The following CDCA2 variants were observed in gnomAD, a reference collection of about 807,000 sequenced individuals.
CDCA2 encodes the protein cell division cycle-associated protein 2.
In CDCA2, 44 loss-of-function variants were observed where a neutral mutation model predicts 67.0. The observed-to-expected ratio is 0.66, with a 90% CI of 0.52 to 0.84. The LOEUF (loss-of-function observed/expected upper bound fraction) is 0.84, where lower values mean the gene tolerates loss of function less well. Ranked by LOEUF, CDCA2 falls within the 40% of genes least tolerant of loss-of-function variation. The probability of loss-of-function intolerance (pLI) is 0.00; values close to 1 mark genes in which losing one functional copy is unlikely to be tolerated. For missense variants in CDCA2, 1,253 were observed against 1,203.2 expected (o/e 1.04, Z -0.61); for synonymous variants, 447 against 418.7 (o/e 1.07, Z -0.82).
chr8:25,461,827 G>C (rs544909454), intron 3 of CDCA2, among the ~76,000 whole-genome samples: 2 of 152,298 alleles, frequency 1.3e-5, no homozygotes, highest in East Asian at 1.9e-4. Flanking sequence ...TTTAATAACT[G>C]TTCTATGTAC....
chr8:25,488,250 G>A (rs74859017), intron 12 of CDCA2, among the ~76,000 whole-genome samples: 127 of 152,208 alleles, frequency 8.3e-4, no homozygotes, highest in African/African-American at 2.8e-3. Context: ...CTAAATTGTA[G>A]GTTCTTAATG....
intron 13 of CDCA2, among the ~76,000 whole-genome samples, chr8:25,492,542 A>G (rs1017114496): frequency 6.6e-6 from 1 of 152,236 alleles, no homozygotes; most frequent in Non-Finnish European, 1.5e-5. Flanking sequence ...ATAAAAGTCT[A>G]TATAAAAGTT....
intron 13 of CDCA2, among the ~76,000 whole-genome samples, chr8:25,501,789 T>C (rs544224822): frequency 6.6e-6 from 1 of 152,320 alleles, no homozygotes; most frequent in African/African-American, 2.4e-5. Flanking sequence ...GAAGAATACA[T>C]CCTCTTTGCT....
chr8:25,505,554 C>G (rs887243445), intron 14 of CDCA2, among the ~76,000 whole-genome samples: 2 of 152,142 alleles, frequency 1.3e-5, no homozygotes, highest in African/African-American at 4.8e-5. Flanking sequence ...TTGGTTGGCA[C>G]TGAGTGGGCA....
At chr8:25,489,641 A>G (rs138263938) in intron 13 of CDCA2, among the ~76,000 whole-genome samples, 134 of 152,286 alleles carry the variant, frequency 8.8e-4, no homozygotes, top group Non-Finnish European at 1.5e-3. Context: ...TTTTAATACT[A>G]AAGCCAGTGC....
intron 7 of CDCA2, among the ~76,000 whole-genome samples, chr8:25,475,962 T>C (rs1021620746): frequency 2.0e-5 from 3 of 152,192 alleles, no homozygotes; most frequent in Admixed American, 2.0e-4. Flanking sequence ...AAACGTCTGC[T>C]TCCCACTCAC....
intron 10 of CDCA2, 43 bp downstream of exon 10, chr8:25,484,253 C>T (rs1234274509): frequency 6.2e-7 from 1 of 1,602,110 alleles, no homozygotes; most frequent in Non-Finnish European, 8.5e-7. Context: ...TATGTATTTT[C>T]ATCAGGCTTC....
At chr8:25,477,469 G>A (rs186622355) in intron 7 of CDCA2, among the ~76,000 whole-genome samples, 1 of 152,250 alleles carries the variant, frequency 6.6e-6, no homozygotes, top group African/African-American at 2.4e-5. Context: ...AACTTTTTGA[G>A]TGCAAACATG....
chr8:25,477,103 C>A (rs921678138), intron 7 of CDCA2, among the ~76,000 whole-genome samples: 14 of 152,174 alleles, frequency 9.2e-5, no homozygotes, highest in African/African-American at 3.4e-4. Flanking sequence ...CCCATTCTTT[C>A]TTGATCCAGC....
At chr8:25,504,375 C>T (rs1804594821) in intron 14 of CDCA2, among the ~76,000 whole-genome samples, 2 of 151,514 alleles carry the variant, frequency 1.3e-5, no homozygotes, top group African/African-American at 4.9e-5. Context: ...AAACAATCTT[C>T]CTGCCTCAGC....
intron 13 of CDCA2, among the ~76,000 whole-genome samples, chr8:25,491,917 C>A (rs1804020292): frequency 6.6e-6 from 1 of 152,188 alleles, no homozygotes; most frequent in Admixed American, 6.5e-5. Context: ...CCTGCCTCAG[C>A]CTCCCAGTTA....
chr8:25,489,224 T>C (rs1803906309), intron 13 of CDCA2, among the ~76,000 whole-genome samples: 1 of 152,124 alleles, frequency 6.6e-6, no homozygotes, highest in Non-Finnish European at 1.5e-5. Context: ...TGATCTGGAC[T>C]CCACACTCCA....
rs774962492 is a variant in CDCA2, at chr8:25,507,739, T to C, written c.*1T>C. The C allele has an allele frequency of 1.2e-6, 2 of 1,608,464 alleles. No homozygotes were observed. Among genetic ancestry groups the C allele is most frequent in the African/African-American group, 1.3e-5 (1 of 74,634 alleles). On this transcript the variant is annotated 3_prime_UTR_variant, in exon 15 of 15. Coordinates refer to ENST00000330560, the MANE Select transcript of CDCA2 (RefSeq NM_152562.4). The stretch of plus-strand genomic sequence containing the variant: ...ACATAATGGAGAAAGAAAGCAGTAA[T>C]TGACATTTCCTGCAGAGTCTGTGGC...
chr8:25,462,867 G>T (rs1374569741), intron 4 of CDCA2, among the ~76,000 whole-genome samples: 2 of 152,012 alleles, frequency 1.3e-5, no homozygotes, highest in Non-Finnish European at 2.9e-5. Flanking sequence ...TTTTTGTAGA[G>T]ATGGGGCCTC....
At chr8:25,459,858 G>A (rs961671715) in intron 1 of CDCA2, among the ~76,000 whole-genome samples, 5 of 152,132 alleles carry the variant, frequency 3.3e-5, no homozygotes, top group African/African-American at 1.2e-4. Context: ...TGGTTAATAG[G>A]TAGAAAAACA....
chr8:25,461,411 G>A (rs988442919), intron 3 of CDCA2, among the ~76,000 whole-genome samples: 1 of 152,166 alleles, frequency 6.6e-6, no homozygotes, highest in East Asian at 1.9e-4. Context: ...TTGGATCAGA[G>A]AATAGCATTT....
chr8:25,505,859 T>C (rs867200577), intron 14 of CDCA2, among the ~76,000 whole-genome samples: 2 of 152,176 alleles, frequency 1.3e-5, no homozygotes, highest in Non-Finnish European at 2.9e-5. Flanking sequence ...TTTCCACCTC[T>C]GATGTGCCAG....
rs1804693417 is a variant in CDCA2, at chr8:25,506,695, G to A, written c.2029G>A (p.Asp677Asn). 1.9e-6 allele frequency: 3 copies of A among 1,611,474 alleles called. No homozygotes were observed. The East Asian group carries it at 6.7e-5, about 36-fold the overall frequency. The part of the protein sequence containing the change: ...SSLGNATSDE[D>N]PNTNIMNINE... ...GCTTGGCAATGCTACTTCTGATGAA[G>A]ATCCAAATACAAATATAATGAACAT... is the stretch of plus-strand genomic sequence containing the variant. The change falls in exon 15 of 15, where the codon GAT becomes AAT. Residue 677 changes from aspartate (D) to asparagine (N), a missense_variant. Transcript: ENST00000330560.
chr8:25,500,934 A>G (rs1804449721), intron 13 of CDCA2, among the ~76,000 whole-genome samples: 1 of 152,182 alleles, frequency 6.6e-6, no homozygotes, highest in African/African-American at 2.4e-5. Flanking sequence ...TTTAACCCAA[A>G]GTATCTGCCA....
Sources: gnomAD v4.1 joint callset for allele counts (sites outside exome capture counted in the v4.1 genomes callset) on GRCh38, gnomAD v4.1.1 for gene constraint, MANE v1.5 for transcripts, NCBI Gene and HGNC (gene_info 2026-07-23, HGNC 2026-07-21) for gene names.